The following KCNMB2 variants were observed in gnomAD, a reference collection of about 807,000 sequenced individuals.
The protein encoded by KCNMB2 is potassium calcium-activated channel subfamily M regulatory beta subunit 2.
In KCNMB2, 9 loss-of-function variants were observed where a neutral mutation model predicts 24.5. The ratio of observed to expected loss-of-function variants is 0.37; its 90% CI spans 0.22 to 0.64. KCNMB2 has a LOEUF of 0.64. Among genes scored for constraint, KCNMB2 ranks in the 30% least tolerant of loss-of-function variants. The pLI is 0.63. For synonymous variants in KCNMB2, 109 were observed against 104.4 expected, an observed-to-expected ratio of 1.04 and a Z score of -0.27; for missense variants, 226 against 284.3, an observed-to-expected ratio of 0.79 and a Z score of 1.47.
chr3:178,548,276 A>C (rs9868461), intron 1 of KCNMB2, among the ~76,000 whole-genome samples: 26,646 of 152,162 alleles, frequency 0.18, 2,468 homozygotes, highest in South Asian at 0.25. Context: ...CTATAGATAG[A>C]TCTTGCAATC....
intron 1 of KCNMB2, among the ~76,000 whole-genome samples, chr3:178,665,073 AAAAGGTGT>A (rs896402789): frequency 2.6e-4 from 40 of 152,264 alleles, no homozygotes; most frequent in African/African-American, 8.7e-4. Context: ...ATGGACTCCC[AAAAGGTGT>A]AAAATTCATT....
chr3:178,543,725 T>A (rs1157821263), intron 1 of KCNMB2, among the ~76,000 whole-genome samples: 2 of 152,186 alleles, frequency 1.3e-5, no homozygotes, highest in Admixed American at 1.3e-4. Context: ...TTTTGGGGGA[T>A]GTGTTCTTTA....
chr3:178,602,820 C>T (rs1718134030), intron 1 of KCNMB2, among the ~76,000 whole-genome samples: 3 of 152,236 alleles, frequency 2.0e-5, no homozygotes, highest in Admixed American at 6.5e-5. Context: ...CTACCCCCAG[C>T]GTTTCTGATG....
intron 1 of KCNMB2, among the ~76,000 whole-genome samples, chr3:178,806,000 G>A (rs1368793074): frequency 5.9e-5 from 9 of 152,036 alleles, no homozygotes; most frequent in African/African-American, 1.9e-4. Flanking sequence ...ACATTGGCAC[G>A]CACCGGTAGT....
chr3:178,538,377 T>C (rs1715477878), intron 1 of KCNMB2, among the ~76,000 whole-genome samples: 1 of 152,152 alleles, frequency 6.6e-6, no homozygotes, highest in Non-Finnish European at 1.5e-5. Flanking sequence ...AACTGACCAG[T>C]CAAGAATGCA....
At chr3:178,757,830 CATCCAAGAGGATATATAT>C (rs1388464587) in intron 1 of KCNMB2, among the ~76,000 whole-genome samples, 1 of 46,182 alleles carries the variant, frequency 2.2e-5, no homozygotes, top group Non-Finnish European at 3.8e-5. Flanking sequence ...TATACACATC[CATCCAAGAGGATATATAT>C]ATCCAAGAGG....
intron 1 of KCNMB2, among the ~76,000 whole-genome samples, chr3:178,678,456 A>G (rs1471337283): frequency 1.3e-5 from 2 of 152,230 alleles, no homozygotes; most frequent in Admixed American, 1.3e-4. Flanking sequence ...TAAAAATAAG[A>G]GGAAGATAGA....
chr3:178,842,845 A>G lies in KCNMB2; in HGVS notation c.616A>G (p.Met206Val), dbSNP rs751284312. 1.4e-5 allele frequency: 23 copies of G among 1,613,904 alleles called. No individual in the cohort carries two copies. The highest frequency in any genetic ancestry group is 1.9e-5 in the Non-Finnish European group (22 of 1,179,874). The change falls in exon 5 of 5, where the codon ATG becomes GTG. Residue 206 changes from methionine to valine, a missense_variant. Physicochemically the swap from Met to Val is conservative, Grantham distance 21. Coordinates refer to ENST00000452583, the MANE Select transcript of KCNMB2 (RefSeq NM_181361.3). Reference sequence around the variant, plus strand: ...CCATTCACTCTTCTGGCCAACCTGTATGATGGCTGGGGGTGTGGCAATTGT... The same window carrying G: ...CCATTCACTCTTCTGGCCAACCTGTGTGATGGCTGGGGGTGTGGCAATTGT... ...LFHSLFWPTC[M>V]MAGGVAIVAM...
intron 1 of KCNMB2, among the ~76,000 whole-genome samples, chr3:178,758,584 A>ATATC (rs1560007483): frequency 2.7e-5 from 1 of 37,252 alleles, no homozygotes; most frequent in Non-Finnish European, 5.5e-5. Flanking sequence ...ATATATATAT[A>ATATC]TCCAAGAGGA....
At chr3:178,796,313 C>T (rs1442520584) in intron 1 of KCNMB2, among the ~76,000 whole-genome samples, 2 of 152,112 alleles carry the variant, frequency 1.3e-5, no homozygotes, top group Non-Finnish European at 2.9e-5. Flanking sequence ...ACAATAATAG[C>T]TTCAACACCC....
At chr3:178,839,650 C>G (rs1287642976) in intron 4 of KCNMB2, among the ~76,000 whole-genome samples, 2 of 152,106 alleles carry the variant, frequency 1.3e-5, no homozygotes, top group African/African-American at 4.8e-5. Context: ...CAAGGCATGT[C>G]TTTTCATACT....
chr3:178,597,861 T>A (rs1370090677), intron 1 of KCNMB2, among the ~76,000 whole-genome samples: 1 of 152,140 alleles, frequency 6.6e-6, no homozygotes, highest in African/African-American at 2.4e-5. Context: ...GCCCTGTTGA[T>A]AATCTCCTTG....
chr3:178,559,939 A>C (rs1047197183), intron 1 of KCNMB2, among the ~76,000 whole-genome samples: 125 of 147,672 alleles, frequency 8.5e-4, no homozygotes, highest in Admixed American at 2.2e-3. Context: ...TATATATAAA[A>C]TATATAATAC....
intron 1 of KCNMB2, among the ~76,000 whole-genome samples, chr3:178,681,366 G>A (rs776662123): frequency 6.6e-6 from 1 of 152,166 alleles, no homozygotes; most frequent in Non-Finnish European, 1.5e-5. Flanking sequence ...GTGCTTTTGG[G>A]AATGAGTTAG....
intron 1 of KCNMB2, among the ~76,000 whole-genome samples, chr3:178,666,937 A>C (rs1405321425): frequency 6.6e-6 from 1 of 152,194 alleles, no homozygotes; most frequent in East Asian, 1.9e-4. Flanking sequence ...AAAATGATGT[A>C]GTATTTGCAC....
At chr3:178,612,330 T>C (rs766563359) in intron 1 of KCNMB2, among the ~76,000 whole-genome samples, 4 of 152,176 alleles carry the variant, frequency 2.6e-5, no homozygotes. Flanking sequence ...GAAGATCCAA[T>C]GCTGCAAGTG....
At chr3:178,578,536 C>T (rs1349651877) in intron 1 of KCNMB2, among the ~76,000 whole-genome samples, 3 of 152,100 alleles carry the variant, frequency 2.0e-5, no homozygotes, top group East Asian at 1.9e-4. Flanking sequence ...CAATGTTAAC[C>T]TCAAATGTAA....
intron 1 of KCNMB2, among the ~76,000 whole-genome samples, chr3:178,727,454 G>A (rs575018387): frequency 6.6e-6 from 1 of 152,116 alleles, no homozygotes; most frequent in Non-Finnish European, 1.5e-5. Context: ...TTGGCAAGAG[G>A]AAATTTGCAG....
At chr3:178,626,324 C>G (rs1047545154) in intron 1 of KCNMB2, among the ~76,000 whole-genome samples, 1 of 152,174 alleles carries the variant, frequency 6.6e-6, no homozygotes, top group Non-Finnish European at 1.5e-5. Flanking sequence ...TAAAGTCTAC[C>G]TCACAGGCTT....
Sources: gnomAD v4.1 joint callset for allele counts (sites outside exome capture counted in the v4.1 genomes callset) on GRCh38, gnomAD v4.1.1 for gene constraint, MANE v1.5 for transcripts, NCBI Gene and HGNC (gene_info 2026-07-23, HGNC 2026-07-21) for gene names.